RNF111: variants seen among roughly 807,000 people sequenced by gnomAD.
RNF111 encodes E3 ubiquitin-protein ligase Arkadia.
A neutral mutation model predicts 95.1 loss-of-function variants in RNF111; 17 were observed. The ratio of observed to expected loss-of-function variants is 0.18; its 90% CI spans 0.12 to 0.27. The LOEUF (loss-of-function observed/expected upper bound fraction) is 0.27, where lower values mean the gene tolerates loss of function less well. Ranked by LOEUF, RNF111 falls within the 10% of genes least tolerant of loss-of-function variation. The pLI, the probability that RNF111 is intolerant of heterozygous loss-of-function variation, is 1.00. For synonymous variants in RNF111, 440 were observed against 414.8 expected (o/e 1.06, Z -0.74); for missense variants, 1,189 against 1,210.4 (o/e 0.98, Z 0.26).
At chr15:59,030,033 T>G (rs550152466) in intron 1 of RNF111, among the ~76,000 whole-genome samples, 1 of 152,362 alleles carries the variant, frequency 6.6e-6, no homozygotes, top group East Asian at 1.9e-4. Context: ...ATTGCATTGA[T>G]GTAAATGCTT....
At chr15:59,018,403 G>T (rs79870691) in intron 1 of RNF111, among the ~76,000 whole-genome samples, 2 of 152,014 alleles carry the variant, frequency 1.3e-5, no homozygotes, top group South Asian at 4.2e-4. Flanking sequence ...TAAAAATTGT[G>T]CTTGCATATA....
chr15:59,057,740 A>G (rs1044051115), intron 4 of RNF111, among the ~76,000 whole-genome samples: 68 of 152,346 alleles, frequency 4.5e-4, no homozygotes, highest in African/African-American at 1.6e-3. Context: ...TAAAACAGTT[A>G]TTGGAAATCA....
chr15:59,045,104 G>A (rs1470558927), intron 2 of RNF111, among the ~76,000 whole-genome samples: 1 of 151,372 alleles, frequency 6.6e-6, no homozygotes. Context: ...ATTTATCATT[G>A]AGGTTTCAAA....
At chr15:59,017,257 TTTTAAG>T (rs1225394324) in intron 1 of RNF111, among the ~76,000 whole-genome samples, 1 of 152,038 alleles carries the variant, frequency 6.6e-6, no homozygotes, top group African/African-American at 2.4e-5. Context: ...ATTTTTGTAT[TTTTAAG>T]TTTGATTTTC....
At chr15:59,090,586 A>C (rs529647423) in intron 11 of RNF111, among the ~76,000 whole-genome samples, 1 of 152,114 alleles carries the variant, frequency 6.6e-6, no homozygotes, top group Non-Finnish European at 1.5e-5. Context: ...ACTTAGAACT[A>C]TTGTTTGATT....
Position 59,031,056 on chromosome 15 carries a change from G to T in RNF111, c.234G>T (p.Met78Ile). ...CDDSQKQEKE[M>I]NGNQQEQEKS... ...ATTCTCAAAAGCAAGAGAAGGAAAT[G>T]AATGGTAACCAGCAAGAACAAGAAA... The change falls in exon 2 of 14, where the codon ATG becomes ATT. Residue 78 changes from methionine to isoleucine, a missense_variant. Met to Ile is a conservative substitution (Grantham distance 10). This residue lies in a region of RNF111 where 1,024 missense variants were observed against 925.9 expected (regional missense o/e 1.11). Transcript: ENST00000348370. 2 of 1,614,250 alleles carry T rather than the reference G, an allele frequency of 1.2e-6. No individual in the cohort carries two copies. The highest frequency in any genetic ancestry group is 2.2e-5 in the South Asian group (2 of 91,076).
rs780084987 is a variant in RNF111, at chr15:59,092,531, T to C, written c.2740-6T>C. ...TAATAAGGTAACAACTGATTGGTTC[T>C]CACAGAGGAAACTGCACTGCAAACA... On this transcript the variant is annotated splice_region_variant and splice_polypyrimidine_tract_variant and intron_variant, in intron 12 of 13. Coordinates refer to ENST00000348370, the MANE Select transcript of RNF111 (RefSeq NM_017610.8). The C allele has an allele frequency of 6.2e-7, 1 of 1,611,556 alleles. No individual in the cohort carries two copies. Among genetic ancestry groups the C allele is most frequent in the Non-Finnish European group, 8.5e-7 (1 of 1,178,530 alleles).
chr15:59,031,021 C>T lies in RNF111; in HGVS notation c.199C>T (p.Leu67=). 1 of 1,614,164 alleles carries T rather than the reference C, an allele frequency of 6.2e-7. No individual in the cohort carries two copies. Among genetic ancestry groups the T allele is most frequent in the South Asian group, 1.1e-5 (1 of 91,076 alleles). The part of the protein sequence containing the change: ...NSKVGNEFSH[L]CDDSQKQEKE... The stretch of plus-strand genomic sequence containing the variant: ...TAAAGTGGGGAATGAATTCTCTCAC[C>T]TGTGTGATGATTCTCAAAAGCAAGA... The change falls in exon 2 of 14, where the codon CTG becomes TTG. Residue 67 remains leucine (L), a synonymous_variant. Transcript: ENST00000348370.
chr15:59,012,881 G>C (rs1210628982), intron 1 of RNF111, among the ~76,000 whole-genome samples: 1 of 152,050 alleles, frequency 6.6e-6, no homozygotes, highest in Non-Finnish European at 1.5e-5. Context: ...TGTGATTACA[G>C]GTGCCTGACA....
At chr15:59,006,624 C>T (rs765612397) in intron 1 of RNF111, among the ~76,000 whole-genome samples, 33 of 152,132 alleles carry the variant, frequency 2.2e-4, no homozygotes, top group Non-Finnish European at 3.8e-4. Flanking sequence ...ACATTTCTAG[C>T]CATCTATTTG....
chr15:59,059,494 GT>G (rs2042343304), intron 5 of RNF111, among the ~76,000 whole-genome samples: 1 of 152,208 alleles, frequency 6.6e-6, no homozygotes, highest in African/African-American at 2.4e-5. Flanking sequence ...GATGCACTAA[GT>G]CTACTCCTTA....
intron 5 of RNF111, among the ~76,000 whole-genome samples, chr15:59,060,614 G>A (rs1232778939): frequency 6.6e-6 from 1 of 152,064 alleles, no homozygotes; most frequent in Non-Finnish European, 1.5e-5. Context: ...CAGCCCAGAT[G>A]ACAGAGTAAG....
At chr15:59,081,670 A>T (rs35769647) in intron 8 of RNF111, among the ~76,000 whole-genome samples, 38,994 of 151,900 alleles carry the variant, frequency 0.26, 5,173 homozygotes, top group East Asian at 0.42. Context: ...CTGAGCTATG[A>T]CTGTGCCACT....
chr15:58,995,703 A>T (rs2141389706), intron 1 of RNF111, among the ~76,000 whole-genome samples: 1 of 148,226 alleles, frequency 6.7e-6, no homozygotes, highest in South Asian at 2.2e-4. Context: ...TGACCTCGTG[A>T]TCCACCTGCC....
intron 2 of RNF111, chr15:59,049,794 C>G (rs2041894875): frequency 7.4e-6 from 1 of 135,636 alleles, no homozygotes; most frequent in Non-Finnish European, 1.5e-5. Flanking sequence ...GTCACCCAGG[C>G]TGGAGTGCAA....
chr15:58,997,940 C>G (rs755650163), intron 1 of RNF111, among the ~76,000 whole-genome samples: 1 of 150,918 alleles, frequency 6.6e-6, no homozygotes, highest in African/African-American at 2.4e-5. Context: ...AGTCTCACTC[C>G]GTTGCCCAGG....
At position 59,036,018 on chromosome 15, in the gene RNF111, C is replaced by T. The variant is rs189177862; in HGVS notation, c.880+4316C>T. 1.8e-3 allele frequency among the ~76,000 whole-genome samples: 270 copies of T among 152,294 alleles called. 4 individuals carry two copies. Among genetic ancestry groups the T allele is most frequent in the African/African-American group, 6.1e-3 (253 of 41,552 alleles). On this transcript the variant is annotated intron_variant, in intron 2 of 13. Transcript: ENST00000348370. ...TTAGTACCAATTTACTGTATTAGTTCATTCTCATGTTGCTAATAAAGACAT... is the reference window on the plus strand; with the variant it reads ...TTAGTACCAATTTACTGTATTAGTTTATTCTCATGTTGCTAATAAAGACAT...
At chr15:59,024,878 A>G (rs1195898100) in intron 1 of RNF111, among the ~76,000 whole-genome samples, 1 of 152,174 alleles carries the variant, frequency 6.6e-6, no homozygotes, top group East Asian at 1.9e-4. Flanking sequence ...TTTTCTGTCT[A>G]TGAATTTGAC....
chr15:59,021,173 T>C (rs1266510641), intron 1 of RNF111, among the ~76,000 whole-genome samples: 2 of 152,156 alleles, frequency 1.3e-5, no homozygotes, highest in Admixed American at 1.3e-4. Flanking sequence ...TTGTTTGAGA[T>C]GAAGTCTTGC....
Sources: allele counts gnomAD v4.1 joint callset (sites outside exome capture counted in the v4.1 genomes callset), GRCh38; gene constraint gnomAD v4.1.1; regional missense constraint gnomAD v4.1.1; transcripts MANE v1.5; gene names NCBI Gene and HGNC (gene_info 2026-07-23, HGNC 2026-07-21).